The following ADHFE1 variants were observed in gnomAD, a reference collection of about 807,000 sequenced individuals.
ADHFE1 encodes the protein hydroxyacid-oxoacid transhydrogenase, mitochondrial.
ADHFE1 carries 37 observed loss-of-function variants against 54.8 expected under a neutral mutation model. The observed-to-expected ratio is 0.68, with a 90% CI of 0.52 to 0.89. ADHFE1 has a LOEUF of 0.89. Ranked by LOEUF, ADHFE1 falls within the 40% of genes least tolerant of loss-of-function variation. ADHFE1 has a pLI of 0.00. For synonymous variants in ADHFE1, 203 were observed against 229.3 expected (o/e 0.89, Z 1.04); for missense variants, 601 against 591.2 (o/e 1.02, Z -0.17).
rs1807308319 is a variant in ADHFE1, at chr8:66,468,307, A to G, written c.1359A>G (p.Glu453=). The G allele has an allele frequency of 6.2e-7, 1 of 1,613,364 alleles. No homozygotes were observed. Among genetic ancestry groups the G allele is most frequent in the Non-Finnish European group, 8.5e-7 (1 of 1,179,662 alleles). ...AGCTTGCACCCTGTCCCCAGTCAGA[A>G]GAGGATCTGGCTGCTCTGTTTGAAG... ...VTKLAPCPQS[E]EDLAALFEAS... The change falls in exon 14 of 14, where the codon GAA becomes GAG. Residue 453 remains glutamate, a synonymous_variant. Transcript: ENST00000396623.
rs2130352771 is a variant in ADHFE1 at position 66,439,035 on chromosome 8, G to C, written c.60-1127G>C. The stretch of plus-strand genomic sequence containing the variant: ...TTCCAACCAAAGCCCACCGTGAAGG[G>C]ACAAGCCTGGCCTGGCCCGCGTCCT... On this transcript the variant is annotated intron_variant, in intron 1 of 13. Coordinates refer to ENST00000396623, the MANE Select transcript of ADHFE1 (RefSeq NM_144650.3). This position sits in a 1 kb window ranked among gnomAD's most constrained non-coding sequence, Gnocchi z 4.4. Among the ~76,000 whole-genome samples the C allele has an allele frequency of 6.6e-6, 1 of 151,780 alleles. No homozygotes were observed. Among genetic ancestry groups the C allele is most frequent in the African/African-American group, 2.4e-5 (1 of 41,458 alleles).
chr8:66,444,102 C>T (rs373231056), intron 3 of ADHFE1, among the ~76,000 whole-genome samples: 1 of 152,146 alleles, frequency 6.6e-6, no homozygotes, highest in East Asian at 1.9e-4. Flanking sequence ...AGAAGGTAGG[C>T]ATTTGAAGCT....
At chr8:66,464,596 A>G (rs1807071081) in intron 13 of ADHFE1, among the ~76,000 whole-genome samples, 1 of 152,186 alleles carries the variant, frequency 6.6e-6, no homozygotes, top group African/African-American at 2.4e-5. Flanking sequence ...CTGGGATGTG[A>G]AACTTTGTCT....
intron 13 of ADHFE1, among the ~76,000 whole-genome samples, chr8:66,466,211 G>A (rs1292766378): frequency 1.3e-5 from 2 of 148,486 alleles, no homozygotes; most frequent in African/African-American, 5.0e-5. Flanking sequence ...TGGGATTATA[G>A]CTGCCCACCA....
chr8:66,454,275 C>A, intron 10 of ADHFE1, 118 bp downstream of exon 10: 1 of 948,246 alleles, frequency 1.1e-6, no homozygotes, highest in Non-Finnish European at 1.6e-6. Context: ...AGAAATTTAA[C>A]TTTATGTTCC....
At chr8:66,438,174 A>T (rs1226122007) in intron 1 of ADHFE1, among the ~76,000 whole-genome samples, 2 of 152,164 alleles carry the variant, frequency 1.3e-5, no homozygotes, top group African/African-American at 4.8e-5. Context: ...TGGGGAATAG[A>T]GGTGGCAGAG....
intron 13 of ADHFE1, among the ~76,000 whole-genome samples, 158 bp from the exon 14 acceptor site, chr8:66,468,111 G>C (rs913653125): frequency 6.6e-6 from 1 of 152,100 alleles, no homozygotes; most frequent in African/African-American, 2.4e-5. Context: ...TCTGAGATGG[G>C]GATCAACTCA....
chr8:66,453,573 A>C, intron 9 of ADHFE1: 1 of 582,566 alleles, frequency 1.7e-6, no homozygotes, highest in Non-Finnish European at 2.8e-6. Context: ...TTCCTCAATA[A>C]TGTTGGCATA....
At chr8:66,440,014 T>C in intron 1 of ADHFE1, 148 bp from the exon 2 acceptor site, 1 of 797,628 alleles carries the variant, frequency 1.3e-6, no homozygotes, top group Non-Finnish European at 2.0e-6. Flanking sequence ...TCTATATATA[T>C]TTTTTCTATT....
intron 10 of ADHFE1, among the ~76,000 whole-genome samples, chr8:66,455,219 G>A (rs561871502): frequency 3.9e-5 from 6 of 152,112 alleles, no homozygotes; most frequent in Admixed American, 6.6e-5. Flanking sequence ...TGTTTTCCAC[G>A]GCATCTGCGC....
intron 13 of ADHFE1, among the ~76,000 whole-genome samples, chr8:66,465,094 A>G (rs1807097878): frequency 6.6e-6 from 1 of 152,208 alleles, no homozygotes; most frequent in Non-Finnish European, 1.5e-5. Context: ...TGGATATACT[A>G]CATTTTGGTT....
At chr8:66,445,464 A>C in intron 6 of ADHFE1, 50 bp downstream of exon 6, 1 of 1,515,676 alleles carries the variant, frequency 6.6e-7, no homozygotes, top group South Asian at 1.3e-5. Flanking sequence ...TGAGCAATAG[A>C]TCTTAAGAAA....
intron 13 of ADHFE1, 29 bp downstream of exon 13, chr8:66,460,494 T>C: frequency 6.5e-7 from 1 of 1,543,684 alleles, no homozygotes; most frequent in Non-Finnish European, 8.8e-7. Flanking sequence ...CCTCACTCCC[T>C]GCGAAGGAGC....
Position 66,468,550 on chromosome 8 carries a change from C to T in ADHFE1, c.*198C>T. The T allele has an allele frequency of 8.0e-6, 3 of 375,374 alleles. No individual in the cohort carries two copies. Among genetic ancestry groups the T allele is most frequent in the Non-Finnish European group, 1.4e-5 (3 of 209,856 alleles). 23.3% of individuals were successfully genotyped at this position (375,374 alleles called of 1,614,324 possible). On this transcript the variant is annotated 3_prime_UTR_variant, in exon 14 of 14. Coordinates refer to ENST00000396623, the MANE Select transcript of ADHFE1 (RefSeq NM_144650.3). ...CCATAAAACAGGCTGGACAAATGAC[C>T]ACTATGTTAGACCCCCAGGCTCGAC...
chr8:66,450,606 T>C (rs896937756), intron 8 of ADHFE1, among the ~76,000 whole-genome samples: 9 of 152,264 alleles, frequency 5.9e-5, no homozygotes, highest in Admixed American at 4.6e-4. Flanking sequence ...TTAGCAGTTA[T>C]ATTTCTTGTC....
intron 13 of ADHFE1, among the ~76,000 whole-genome samples, chr8:66,466,306 G>A (rs1230839368): frequency 3.4e-5 from 5 of 145,644 alleles, no homozygotes; most frequent in African/African-American, 1.3e-4. Context: ...GGCTGGTCTC[G>A]AACTCCTGAC....
intron 9 of ADHFE1, 50 bp from the exon 10 acceptor site, chr8:66,454,009 G>T (rs775977023): frequency 6.3e-7 from 1 of 1,599,764 alleles, no homozygotes; most frequent in Admixed American, 1.7e-5. Context: ...TTATTCTGTA[G>T]GAATTGCCAA....
At chr8:66,460,272 C>T (rs1806829635) in intron 12 of ADHFE1, 36 bp from the exon 13 acceptor site, 6 of 1,611,088 alleles carry the variant, frequency 3.7e-6, no homozygotes, top group Non-Finnish European at 5.1e-6. Flanking sequence ...CCCGTTTCTT[C>T]CTCTCTCCCT....
intron 10 of ADHFE1, 28 bp downstream of exon 10, chr8:66,454,185 T>C (rs1322819592): frequency 6.2e-7 from 1 of 1,609,374 alleles, no homozygotes; most frequent in Admixed American, 1.7e-5. Flanking sequence ...TTCATTTCTT[T>C]ACTCAAGCTA....
Sources: allele counts gnomAD v4.1 joint callset (sites outside exome capture counted in the v4.1 genomes callset), GRCh38; gene constraint gnomAD v4.1.1; non-coding constraint Gnocchi (gnomAD v3.1); transcripts MANE v1.5; gene names NCBI Gene and HGNC (gene_info 2026-07-23, HGNC 2026-07-21).